Variants in LRFN1 observed in about 807,000 individuals in gnomAD.
LRFN1 encodes the protein leucine rich repeat and fibronectin type III domain containing 1.
In LRFN1, 20 loss-of-function variants were observed where a neutral mutation model predicts 31.8. The observed-to-expected ratio is 0.63, with a 90% CI of 0.44 to 0.91. LRFN1 has a LOEUF of 0.91. LRFN1 is among the 40% of genes least tolerant of loss of function. The pLI, the probability that LRFN1 is intolerant of heterozygous loss-of-function variation, is 0.00. For missense variants in LRFN1, 912 were observed against 1,129.8 expected (o/e 0.81, Z 2.76); for synonymous variants, 514 against 541.3 (o/e 0.95, Z 0.70).
chr19:39,308,767 C>G lies in LRFN1; in HGVS notation c.1407-225G>C, dbSNP rs1325434398. On this transcript the variant is annotated intron_variant, in intron 4 of 4. Coordinates refer to ENST00000248668, the MANE Select transcript of LRFN1 (RefSeq NM_020862.2). This position sits in a 1 kb window ranked among gnomAD's most constrained non-coding sequence, Gnocchi z 6.2. The stretch of plus-strand genomic sequence containing the variant: ...CCTCAGACCCACCTCCTGGCTGTGT[C>G]CCATCACCCACTGGGACAATATATC... 6.6e-6 allele frequency among the ~76,000 whole-genome samples: 1 copy of G among 152,216 alleles called. No homozygotes were observed. Among genetic ancestry groups the G allele is most frequent in the East Asian group, 1.9e-4 (1 of 5,194 alleles).
At chr19:39,320,305 GACACAC>G (rs35232910) in intron 1 of LRFN1, among the ~76,000 whole-genome samples, 4,563 of 134,688 alleles carry the variant, frequency 0.034, 222 homozygotes, top group African/African-American at 0.11. Flanking sequence ...ACAACCCGCA[GACACAC>G]ACACACACAC....
At chr19:39,312,252 C>T (rs2075153254) in intron 4 of LRFN1, among the ~76,000 whole-genome samples, 1 of 151,844 alleles carries the variant, frequency 6.6e-6, no homozygotes, top group Admixed American at 6.6e-5. Context: ...ACTGGAAAGG[C>T]AGAGATGGAG....
intron 4 of LRFN1, among the ~76,000 whole-genome samples, chr19:39,310,053 G>A (rs927365026): frequency 1.5e-4 from 23 of 152,154 alleles, no homozygotes; most frequent in South Asian, 6.2e-4. Context: ...TGCCTTCCGG[G>A]TTCAAGTGAT....
Position 39,314,393 on chromosome 19 carries a change from T to C in LRFN1, c.944A>G (p.Gln315Arg), listed in dbSNP as rs767256913. ...AGGRALVVEGQAVSLRCRAVG... is the reference protein window; with the variant it reads ...AGGRALVVEGRAVSLRCRAVG... ...CGCTCGGCAGCGCAGGCTCACCGCC[T>C]GGCCTTCCACCACCAGGGCCCGGCC... Residue 315 changes from glutamine (Q) to arginine (R), a missense_variant, in exon 4 of 5, where the codon CAG becomes CGG. Physicochemically the swap from Gln to Arg is conservative, Grantham distance 43. Around this residue, in one of 2 missense-constraint regions of LRFN1, gnomAD observed 401 missense variants for 572.7 expected, o/e 0.70. Coordinates refer to ENST00000248668, the MANE Select transcript of LRFN1 (RefSeq NM_020862.2). 1 of 1,597,642 alleles carries C rather than the reference T, an allele frequency of 6.3e-7. No homozygotes were observed. Among genetic ancestry groups the C allele is most frequent in the Non-Finnish European group, 8.5e-7 (1 of 1,174,014 alleles).
Position 39,314,444 on chromosome 19 carries a change from G to GGCTC in LRFN1, c.889_892dup (p.Pro298ArgfsTer30), listed in dbSNP as rs765019036. On this transcript the variant is annotated frameshift_variant, in exon 4 of 5. Coordinates refer to ENST00000248668, the MANE Select transcript of LRFN1 (RefSeq NM_020862.2). LOFTEE classifies it high-confidence loss of function. Reference sequence around the variant, plus strand: ...CCCCGCCTGCCGTGTGATCAGCGGGGGCTCACACAGGAACTCCTCCTCGGG... The same window carrying GGCTC: ...CCCCGCCTGCCGTGTGATCAGCGGGGGCTCGCTCACACAGGAACTCCTCCTCGGG... The GGCTC allele has an allele frequency of 6.2e-7, 1 of 1,609,438 alleles. No individual in the cohort carries two copies. The highest frequency in any genetic ancestry group is 8.5e-7 in the Non-Finnish European group (1 of 1,178,904).
At chr19:39,318,636 C>T (rs1005649605) in intron 1 of LRFN1, among the ~76,000 whole-genome samples, 1 of 152,144 alleles carries the variant, frequency 6.6e-6, no homozygotes, top group African/African-American at 2.4e-5. Context: ...CCCCCTCTTC[C>T]CTCTGACCCA....
At chr19:39,309,897 G>A (rs1042255560) in intron 4 of LRFN1, among the ~76,000 whole-genome samples, 12 of 152,186 alleles carry the variant, frequency 7.9e-5, no homozygotes, top group Admixed American at 1.3e-4. Flanking sequence ...CAGATTGCCC[G>A]GGTTTGAGTC....
chr19:39,315,434 A>G lies in LRFN1; in HGVS notation c.-37-61T>C, dbSNP rs2075169037. 7.7e-6 allele frequency: 9 copies of G among 1,162,068 alleles called. No homozygotes were observed. In the South Asian group the frequency reaches 1.3e-4, roughly 17 times the overall value. The allele number at this position is 1,162,068 out of a possible 1,614,324, so 72.0% of individuals were successfully genotyped here. On this transcript the variant is annotated intron_variant, in intron 3 of 4. Coordinates refer to ENST00000248668, the MANE Select transcript of LRFN1 (RefSeq NM_020862.2). This position sits in a 1 kb window ranked among gnomAD's most constrained non-coding sequence, Gnocchi z 4.7. ...CTTGGCCGCCATGGGATGTCCTGCT[A>G]CGAGTCAGGCCTGGATCCCTCCCCT...
Position 39,308,219 on chromosome 19 carries a change from G to A in LRFN1, c.1730C>T (p.Pro577Leu), listed in dbSNP as rs2075137058. 1.9e-6 allele frequency: 3 copies of A among 1,610,198 alleles called. No homozygotes were observed. The highest frequency in any genetic ancestry group is 1.1e-5 in the South Asian group (1 of 90,926). Residue 577 changes from proline to leucine, a missense_variant, in exon 5 of 5, where the codon CCG (proline) becomes CTG (leucine). By Grantham distance (98) the Pro-to-Leu change is moderately conservative. Transcript: ENST00000248668. The surrounding 1 kb of genome is among the most constrained non-coding windows in gnomAD (Gnocchi z 6.2). ...CTGCGAGCACACGTGGCTGACCCGCGGGAGCGACCTGGAGCCCTTGACGCG... is the reference window on the plus strand; with the variant it reads ...CTGCGAGCACACGTGGCTGACCCGCAGGAGCGACCTGGAGCCCTTGACGCG... ...SRRVKGSRSL[P>L]RVSHVCSQTN...
In LRFN1 at chr19:39,308,479, G is replaced by C. The variant is rs2075138749; in HGVS notation, c.1470C>G (p.Asp490Glu). 1 of 1,605,832 alleles carries C rather than the reference G, an allele frequency of 6.2e-7. No homozygotes were observed. The highest frequency in any genetic ancestry group is 1.3e-5 in the African/African-American group (1 of 74,912). Reference sequence around the variant, plus strand: ...CGTCGTAGACCGCCAGCACGCACAAGTCGTAGGCACGGCCCGCCGCCAGGT... The same window carrying C: ...CGTCGTAGACCGCCAGCACGCACAACTCGTAGGCACGGCCCGCCGCCAGGT... ...VNDLAAGRAY[D>E]LCVLAVYDDG... Residue 490 changes from aspartate (D) to glutamate (E), a missense_variant, in exon 5 of 5, where the codon GAC becomes GAG. By Grantham distance (45) the Asp-to-Glu change is conservative (BLOSUM62 2). This residue lies in a region of LRFN1 where 511 missense variants were observed against 557.0 expected (regional missense o/e 0.92). Coordinates refer to ENST00000248668, the MANE Select transcript of LRFN1 (RefSeq NM_020862.2). This position sits in a 1 kb window ranked among gnomAD's most constrained non-coding sequence, Gnocchi z 6.2.
chr19:39,312,298 C>G (rs2075153434), intron 4 of LRFN1, among the ~76,000 whole-genome samples: 1 of 151,946 alleles, frequency 6.6e-6, no homozygotes, highest in Non-Finnish European at 1.5e-5. Flanking sequence ...GATCTGACAG[C>G]CAGGAGCTGG....
intron 4 of LRFN1, among the ~76,000 whole-genome samples, chr19:39,313,248 A>C (rs2145033881): frequency 6.6e-6 from 1 of 152,222 alleles, no homozygotes; most frequent in South Asian, 2.1e-4. Flanking sequence ...ATGTCGCTGT[A>C]GGCTAGGCAC....
At position 39,307,816 on chromosome 19, in the gene LRFN1, C is replaced by T. The variant is rs1441263731; in HGVS notation, c.2133G>A (p.Gly711=). The change falls in exon 5 of 5, where the codon GGG becomes GGA. Residue 711 remains glycine (G), a synonymous_variant. Transcript: ENST00000248668. The surrounding 1 kb of genome is among the most constrained non-coding windows in gnomAD (Gnocchi z 6.7). ...QQRYSFDGDY[G]ALFQSHSYPR... ...GGTAACTGTGGCTCTGGAATAGTGC[C>T]CCGTAGTCCCCGTCGAACGAATAGC... 6.7e-7 allele frequency: 1 copy of T among 1,489,702 alleles called. No individual in the cohort carries two copies. Among genetic ancestry groups the T allele is most frequent in the Non-Finnish European group, 8.9e-7 (1 of 1,126,572 alleles). The allele number at this position is 1,489,702 out of a possible 1,614,324, so 92.3% of individuals were successfully genotyped here. A position where few individuals can be genotyped will look rare whatever the true frequency, so the allele number is the denominator to read the frequency against.
At chr19:39,310,662 G>A (rs532626229) in intron 4 of LRFN1, among the ~76,000 whole-genome samples, 37 of 152,062 alleles carry the variant, frequency 2.4e-4, no homozygotes, top group Non-Finnish European at 4.7e-4. Flanking sequence ...GGTGGGTCCC[G>A]GGAGACAAGG....
At position 39,308,220 on chromosome 19, in the gene LRFN1, G is replaced by A; in HGVS notation, c.1729C>T (p.Pro577Ser). 1.2e-6 allele frequency: 2 copies of A among 1,610,332 alleles called. No homozygotes were observed. Among genetic ancestry groups the A allele is most frequent in the Non-Finnish European group, 1.7e-6 (2 of 1,178,036 alleles). ...SRRVKGSRSL[P>S]RVSHVCSQTN... is the part of the protein sequence containing the mutation. ...TGCGAGCACACGTGGCTGACCCGCG[G>A]GAGCGACCTGGAGCCCTTGACGCGG... Residue 577 changes from proline (P) to serine (S), a missense_variant, in exon 5 of 5, where the codon CCG becomes TCG. Physicochemically the swap from Pro to Ser is moderately conservative, Grantham distance 74. Around this residue, in one of 2 missense-constraint regions of LRFN1, gnomAD observed 511 missense variants for 557.0 expected, o/e 0.92. Coordinates refer to ENST00000248668, the MANE Select transcript of LRFN1 (RefSeq NM_020862.2). The surrounding 1 kb of genome is among the most constrained non-coding windows in gnomAD (Gnocchi z 6.2).
Position 39,314,294 on chromosome 19 carries a change from C to A in LRFN1, c.1043G>T (p.Arg348Leu). 6.2e-7 allele frequency: 1 copy of A among 1,609,356 alleles called. No individual in the cohort carries two copies. The highest frequency in any genetic ancestry group is 8.5e-7 in the Non-Finnish European group (1 of 1,178,150). ...ATCCAGCGTCCCGTCCCCCCGGACC[C>A]GGGTCCGGCTGGAGTTCCCCAGCAG... Reference protein sequence around the residue: ...GRLLGNSSRTRVRGDGTLDVT... With the variant: ...GRLLGNSSRTLVRGDGTLDVT... The change falls in exon 4 of 5, where the codon CGG becomes CTG. Residue 348 changes from arginine to leucine, a missense_variant. This residue lies in a region of LRFN1 where 401 missense variants were observed against 572.7 expected (regional missense o/e 0.70). Transcript: ENST00000248668.
At position 39,308,597 on chromosome 19, in the gene LRFN1, C is replaced by T; in HGVS notation, c.1407-55G>A. On this transcript the variant is annotated intron_variant, in intron 4 of 4. Transcript: ENST00000248668. The surrounding 1 kb of genome is among the most constrained non-coding windows in gnomAD (Gnocchi z 6.2). ...TTAGTCCCCCCGAACCACGCCCCTTCGCTTTATGCCCCGCCCATGGTGAAC... is the reference window on the plus strand; with the variant it reads ...TTAGTCCCCCCGAACCACGCCCCTTTGCTTTATGCCCCGCCCATGGTGAAC... 2 of 1,451,608 alleles carry T rather than the reference C, an allele frequency of 1.4e-6. No homozygotes were observed. Among genetic ancestry groups the T allele is most frequent in the South Asian group, 1.3e-5 (1 of 74,380 alleles). The allele number at this position is 1,451,608 out of a possible 1,614,324, so 89.9% of individuals were successfully genotyped here. A position where few individuals can be genotyped will look rare whatever the true frequency, so the allele number is the denominator to read the frequency against.
rs890514191 is a variant in LRFN1 at position 39,308,459 on chromosome 19, T to A, written c.1490A>T (p.Tyr497Phe). 1 of 1,608,928 alleles carries A rather than the reference T, an allele frequency of 6.2e-7. No individual in the cohort carries two copies. The highest frequency in any genetic ancestry group is 8.5e-7 in the Non-Finnish European group (1 of 1,179,660). Residue 497 changes from tyrosine (Y) to phenylalanine (F), a missense_variant, in exon 5 of 5, where the codon TAC (tyrosine) becomes TTC (phenylalanine). Transcript: ENST00000248668. This position sits in a 1 kb window ranked among gnomAD's most constrained non-coding sequence, Gnocchi z 6.2. ...CGGCAGCGCTGTGGCCCCGTCGTCG[T>A]AGACCGCCAGCACGCACAAGTCGTA... ...RAYDLCVLAV[Y>F]DDGATALPAT...
At chr19:39,318,534 G>A (rs1234273846) in intron 1 of LRFN1, among the ~76,000 whole-genome samples, 176 bp from the exon 2 acceptor site, 3 of 152,136 alleles carry the variant, frequency 2.0e-5, no homozygotes, top group African/African-American at 7.2e-5. Context: ...TGGAATCCTA[G>A]ATTAGGCCTC....
Sources: allele counts gnomAD v4.1 joint callset (sites outside exome capture counted in the v4.1 genomes callset), GRCh38; gene constraint gnomAD v4.1.1; regional missense constraint gnomAD v4.1.1; non-coding constraint Gnocchi (gnomAD v3.1); transcripts MANE v1.5; gene names NCBI Gene and HGNC (gene_info 2026-07-23, HGNC 2026-07-21).